RABGAP1L: variants seen among roughly 807,000 people sequenced by gnomAD.
The protein encoded by RABGAP1L is RAB GTPase activating protein 1 like.
In RABGAP1L, 63 loss-of-function variants were observed where a neutral mutation model predicts 137.7. The ratio of observed to expected loss-of-function variants is 0.46; its 90% CI spans 0.37 to 0.56. The LOEUF is 0.56. Ranked by LOEUF, RABGAP1L falls within the 20% of genes least tolerant of loss-of-function variation. The pLI, the probability that RABGAP1L is intolerant of heterozygous loss-of-function variation, is 0.00. For missense variants in RABGAP1L, 1,095 were observed against 1,244.0 expected (o/e 0.88, Z 1.80); for synonymous variants, 431 against 433.7 (o/e 0.99, Z 0.08).
chr1:174,499,097 G>T (rs2149371437), intron 13 of RABGAP1L, among the ~76,000 whole-genome samples: 1 of 151,860 alleles, frequency 6.6e-6, no homozygotes, highest in East Asian at 1.9e-4. Context: ...AGTAGAACTG[G>T]GGGGAAAATT....
chr1:174,379,666 A>G (rs369416023), intron 12 of RABGAP1L, among the ~76,000 whole-genome samples: 4 of 30,322 alleles, frequency 1.3e-4, no homozygotes, highest in East Asian at 1.0e-3. Context: ...GAAGTTGCTT[A>G]TCAGCTTAAG....
chr1:174,547,163 A>G (rs1385551031), intron 13 of RABGAP1L, among the ~76,000 whole-genome samples: 1 of 152,046 alleles, frequency 6.6e-6, no homozygotes, highest in Non-Finnish European at 1.5e-5. Context: ...CTGTATTCAA[A>G]TCTTCATTCT....
At chr1:174,184,562 C>T (rs1666651475) in intron 1 of RABGAP1L, among the ~76,000 whole-genome samples, 4 of 152,178 alleles carry the variant, frequency 2.6e-5, no homozygotes, top group South Asian at 4.1e-4. Context: ...ATGTCCAAAA[C>T]GAAATCTGTC....
intron 13 of RABGAP1L, among the ~76,000 whole-genome samples, chr1:174,534,251 C>T (rs543131586): frequency 1.5e-4 from 23 of 149,792 alleles, no homozygotes; most frequent in Non-Finnish European, 3.1e-4. Flanking sequence ...TAAATATGAT[C>T]GTCTACAGTT....
At chr1:174,259,409 A>G (rs1230037713) in intron 7 of RABGAP1L, among the ~76,000 whole-genome samples, 1 of 152,212 alleles carries the variant, frequency 6.6e-6, no homozygotes, top group African/African-American at 2.4e-5. Context: ...GAGGTACAAA[A>G]GTTACATAAC....
chr1:174,939,248 A>T (rs1482738776), intron 19 of RABGAP1L, among the ~76,000 whole-genome samples: 3 of 152,184 alleles, frequency 2.0e-5, no homozygotes, highest in South Asian at 2.1e-4. Flanking sequence ...TGTTTGTTCT[A>T]TCCAAGATTA....
chr1:174,620,230 CAGAA>C lies in RABGAP1L; in HGVS notation c.1711-17142_1711-17139del, dbSNP rs898114534. 6.9e-4 allele frequency among the ~76,000 whole-genome samples: 105 copies of C among 152,252 alleles called. 1 individual carries two copies. The highest frequency in any genetic ancestry group is 3.4e-3 in the Middle Eastern group (1 of 294). On this transcript the variant is annotated intron_variant, in intron 13 of 25. Coordinates refer to ENST00000681986, the MANE Select transcript of RABGAP1L (RefSeq NM_001366446.1). ...GTCCACATTAGACAGATCAATGAGA[CAGAA>C]AGTTAACAAGGATATCCAGGAATTG...
At chr1:174,308,424 C>T (rs541687109) in intron 11 of RABGAP1L, among the ~76,000 whole-genome samples, 1 of 151,962 alleles carries the variant, frequency 6.6e-6, no homozygotes, top group South Asian at 2.1e-4. Flanking sequence ...GTTCCTTTTG[C>T]TTTTGGGGTT....
intron 14 of RABGAP1L, among the ~76,000 whole-genome samples, chr1:174,668,446 T>C (rs1413944402): frequency 6.6e-6 from 1 of 152,196 alleles, no homozygotes; most frequent in Non-Finnish European, 1.5e-5. Flanking sequence ...AGGATTGTCT[T>C]TTTTATGGCT....
At chr1:174,781,316 G>T (rs990408927) in intron 18 of RABGAP1L, among the ~76,000 whole-genome samples, 2 of 152,136 alleles carry the variant, frequency 1.3e-5, no homozygotes, top group African/African-American at 4.8e-5. Flanking sequence ...TTCTCTGATG[G>T]CCAGTGATGA....
At chr1:174,609,832 C>G (rs1164794520) in intron 13 of RABGAP1L, among the ~76,000 whole-genome samples, 1 of 152,026 alleles carries the variant, frequency 6.6e-6, no homozygotes, top group Non-Finnish European at 1.5e-5. Flanking sequence ...TTTTGTACTT[C>G]TTTTCATATA....
chr1:174,225,395 T>A (rs1252476228), intron 3 of RABGAP1L, among the ~76,000 whole-genome samples: 1 of 152,050 alleles, frequency 6.6e-6, no homozygotes, highest in African/African-American at 2.4e-5. Context: ...TGAGAATAGA[T>A]CACCCTTTTA....
chr1:174,232,256 C>A (rs1043818872), intron 4 of RABGAP1L, among the ~76,000 whole-genome samples: 1 of 152,130 alleles, frequency 6.6e-6, no homozygotes, highest in African/African-American at 2.4e-5. Flanking sequence ...ACCTGCAATC[C>A]CAGCACTTTG....
At chr1:174,833,587 A>G (rs1412154191) in intron 19 of RABGAP1L, among the ~76,000 whole-genome samples, 9 of 148,448 alleles carry the variant, frequency 6.1e-5, no homozygotes, top group African/African-American at 2.2e-4. Flanking sequence ...CAGTAACAGA[A>G]TTTAAGACTA....
intron 1 of RABGAP1L, among the ~76,000 whole-genome samples, chr1:174,175,682 A>G (rs1665789380): frequency 6.7e-6 from 1 of 148,694 alleles, no homozygotes; most frequent in Non-Finnish European, 1.5e-5. Flanking sequence ...CTGGAGTGCA[A>G]TGGTGCGATC....
chr1:174,746,612 AG>A (rs1424136882), intron 17 of RABGAP1L, among the ~76,000 whole-genome samples: 1 of 152,254 alleles, frequency 6.6e-6, no homozygotes, highest in Non-Finnish European at 1.5e-5. Flanking sequence ...TAGGAAGTAG[AG>A]GACACATTAA....
intron 18 of RABGAP1L, among the ~76,000 whole-genome samples, chr1:174,768,857 G>C (rs1685877487): frequency 6.6e-6 from 1 of 152,146 alleles, no homozygotes; most frequent in Admixed American, 6.5e-5. Flanking sequence ...TATTGAGGAG[G>C]CAAGAATCTC....
At chr1:174,534,602 C>A (rs1431679467) in intron 13 of RABGAP1L, among the ~76,000 whole-genome samples, 2 of 151,472 alleles carry the variant, frequency 1.3e-5, no homozygotes, top group Non-Finnish European at 2.9e-5. Flanking sequence ...CATGGTGAAA[C>A]CCCGTCTCTA....
At chr1:174,344,138 G>C (rs531958906) in intron 11 of RABGAP1L, among the ~76,000 whole-genome samples, 4 of 152,314 alleles carry the variant, frequency 2.6e-5, no homozygotes, top group Admixed American at 1.3e-4. Context: ...TCTCTAGTGA[G>C]AGCTGGAGAC....
Sources: gnomAD v4.1 joint callset for allele counts (sites outside exome capture counted in the v4.1 genomes callset) on GRCh38, gnomAD v4.1.1 for gene constraint, MANE v1.5 for transcripts, NCBI Gene and HGNC (gene_info 2026-07-23, HGNC 2026-07-21) for gene names.